RCOR1: variants seen among roughly 807,000 people sequenced by gnomAD.
The protein encoded by RCOR1 is REST corepressor.
Under a neutral mutation model 64.0 loss-of-function variants are expected in RCOR1, and 12 were observed. The observed-to-expected ratio is 0.19, with a 90% CI of 0.12 to 0.30. The LOEUF is 0.30. RCOR1 is among the 10% of genes least tolerant of loss of function. The pLI is 1.00. For synonymous variants in RCOR1, 279 were observed against 227.2 expected, an observed-to-expected ratio of 1.23 and a Z score of -2.05; for missense variants, 502 against 621.2, an observed-to-expected ratio of 0.81 and a Z score of 2.04.
chr14:102,594,303 G>A (rs1295477739), intron 2 of RCOR1, among the ~76,000 whole-genome samples: 3 of 152,188 alleles, frequency 2.0e-5, no homozygotes, highest in African/African-American at 7.2e-5. Flanking sequence ...CTCCATGGTT[G>A]GAGGGCTTTA....
At chr14:102,637,432 A>G (rs913944021) in intron 2 of RCOR1, among the ~76,000 whole-genome samples, 2 of 151,376 alleles carry the variant, frequency 1.3e-5, no homozygotes, top group African/African-American at 4.9e-5. Flanking sequence ...CTGGCCGCAT[A>G]TATATATTTT....
intron 11 of RCOR1, among the ~76,000 whole-genome samples, chr14:102,722,764 C>G (rs1338834770): frequency 7.9e-5 from 12 of 152,206 alleles, no homozygotes. Flanking sequence ...GAAAGCTGTC[C>G]TGTCTGTGAG....
At chr14:102,713,435 A>G (rs548248139) in intron 7 of RCOR1, among the ~76,000 whole-genome samples, 1 of 152,094 alleles carries the variant, frequency 6.6e-6, no homozygotes, top group East Asian at 1.9e-4. Flanking sequence ...GGCGCCCGCC[A>G]CCGCACCTGG....
At chr14:102,622,854 C>G (rs1194580744) in intron 2 of RCOR1, among the ~76,000 whole-genome samples, 1 of 152,158 alleles carries the variant, frequency 6.6e-6, no homozygotes, top group East Asian at 1.9e-4. Context: ...TGAGTTTGTA[C>G]TATGCGCTCC....
intron 4 of RCOR1, 72 bp from the exon 5 acceptor site, chr14:102,707,279 C>T (rs529089748): frequency 2.7e-6 from 3 of 1,115,592 alleles, no homozygotes; most frequent in East Asian, 3.0e-5. Flanking sequence ...TTTTACTTTT[C>T]TTTTGCTGGT....
chr14:102,708,718 A>G (rs1895905658), intron 6 of RCOR1, 135 bp downstream of exon 6: 1 of 550,322 alleles, frequency 1.8e-6, no homozygotes, highest in Non-Finnish European at 3.3e-6. Flanking sequence ...GAGATGTATT[A>G]GAGCGTGTCA....
At chr14:102,717,726 C>T (rs1595244642) in intron 8 of RCOR1, among the ~76,000 whole-genome samples, 1 of 152,164 alleles carries the variant, frequency 6.6e-6, no homozygotes, top group Non-Finnish European at 1.5e-5. Context: ...AAGAGGCCTT[C>T]CTCTTGCACC....
intron 2 of RCOR1, among the ~76,000 whole-genome samples, chr14:102,666,844 G>A (rs564125577): frequency 1.8e-4 from 28 of 152,142 alleles, no homozygotes; most frequent in African/African-American, 6.0e-4. Context: ...GTTGCCTGGC[G>A]GAGTACTTTA....
intron 2 of RCOR1, among the ~76,000 whole-genome samples, chr14:102,619,337 C>T (rs1226145606): frequency 6.6e-6 from 1 of 152,110 alleles, no homozygotes; most frequent in Admixed American, 6.6e-5. Flanking sequence ...TTAGGCTGGT[C>T]TTGAACTCCT....
chr14:102,608,055 CA>C (rs1179742002), intron 2 of RCOR1, among the ~76,000 whole-genome samples: 33 of 139,500 alleles, frequency 2.4e-4, no homozygotes, highest in Admixed American at 4.3e-4. Flanking sequence ...GACTCCATCT[CA>C]AAAAAAAAAA....
rs1043963911 is a variant in RCOR1 at position 102,727,806 on chromosome 14, C to A, written c.*1300C>A. On this transcript the variant is annotated 3_prime_UTR_variant, in exon 12 of 12. Transcript: ENST00000262241. ...ATTTCTAATAAACATTTTGAGACTTCCAGAATCACTTTTGTTATCTTATCA... is the reference window on the plus strand; with the variant it reads ...ATTTCTAATAAACATTTTGAGACTTACAGAATCACTTTTGTTATCTTATCA... 1 of 152,148 alleles carries A rather than the reference C, an allele frequency of 6.6e-6. No individual in the cohort carries two copies. The highest frequency in any genetic ancestry group is 2.4e-5 in the African/African-American group (1 of 41,418). 9.4% of individuals were successfully genotyped at this position (152,148 alleles called of 1,614,324 possible).
chr14:102,593,784 C>G (rs999575861), intron 2 of RCOR1, among the ~76,000 whole-genome samples: 1 of 152,216 alleles, frequency 6.6e-6, no homozygotes, highest in South Asian at 2.1e-4. Flanking sequence ...CTCCTCCTCT[C>G]AGCCTCTGGG....
At chr14:102,691,731 C>T (rs1380623575) in intron 3 of RCOR1, among the ~76,000 whole-genome samples, 1 of 152,176 alleles carries the variant, frequency 6.6e-6, no homozygotes, top group Non-Finnish European at 1.5e-5. Flanking sequence ...TGGAAGCCTT[C>T]TATTAAACAG....
Position 102,726,806 on chromosome 14 carries a change from GC to G in RCOR1, c.*304del. 2.6e-6 allele frequency: 1 copy of G among 380,144 alleles called. No homozygotes were observed. Among genetic ancestry groups the G allele is most frequent in the Non-Finnish European group, 4.7e-6 (1 of 213,330 alleles). The allele number at this position is 380,144 out of a possible 1,614,324, so 23.5% of individuals were successfully genotyped here. A position where few individuals can be genotyped will look rare whatever the true frequency, so the allele number is the denominator to read the frequency against. The stretch of plus-strand genomic sequence containing the variant: ...CCGCCTCTCCCGCCGGAGCCCCCGA[GC>G]CCCACCAATGGCAGCTCTTCCCAGT... On this transcript the variant is annotated 3_prime_UTR_variant, in exon 12 of 12. Coordinates refer to ENST00000262241, the MANE Select transcript of RCOR1 (RefSeq NM_015156.4).
At chr14:102,690,575 C>T (rs887770455) in intron 3 of RCOR1, among the ~76,000 whole-genome samples, 3 of 151,954 alleles carry the variant, frequency 2.0e-5, no homozygotes, top group African/African-American at 7.3e-5. Flanking sequence ...TGGGCAACAG[C>T]AGGACCCTGT....
At chr14:102,723,350 G>A (rs895790079) in intron 11 of RCOR1, among the ~76,000 whole-genome samples, 10 of 152,182 alleles carry the variant, frequency 6.6e-5, no homozygotes, top group African/African-American at 2.4e-4. Flanking sequence ...GAAGTACCTC[G>A]TGAGGTATTG....
At chr14:102,603,608 ATCTT>A (rs1051673567) in intron 2 of RCOR1, among the ~76,000 whole-genome samples, 2 of 148,462 alleles carry the variant, frequency 1.3e-5, no homozygotes, top group Non-Finnish European at 3.0e-5. Flanking sequence ...CTGTGAATGT[ATCTT>A]TCTTTTGCTA....
chr14:102,726,437 C>CTTTT, intron 11 of RCOR1, 31 bp from the exon 12 acceptor site: 5 of 1,412,270 alleles, frequency 3.5e-6, no homozygotes, highest in Admixed American at 2.1e-5. Flanking sequence ...CTCTTTGATC[C>CTTTT]TTTTTTTTTT....
intron 2 of RCOR1, among the ~76,000 whole-genome samples, chr14:102,618,128 C>G (rs1198606967): frequency 6.6e-6 from 1 of 151,742 alleles, no homozygotes; most frequent in Admixed American, 6.6e-5. Context: ...CGTGCCCCAC[C>G]ACGTCTGGCT....
Sources: allele counts gnomAD v4.1 joint callset (sites outside exome capture counted in the v4.1 genomes callset), GRCh38; gene constraint gnomAD v4.1.1; transcripts MANE v1.5; gene names NCBI Gene and HGNC (gene_info 2026-07-23, HGNC 2026-07-21).